NXPE4: variants seen among roughly 807,000 people sequenced by gnomAD.
The protein encoded by NXPE4 is NXPE family member 4.
A neutral mutation model predicts 33.3 loss-of-function variants in NXPE4; 42 were observed. That is an observed-to-expected ratio of 1.26 (90% CI 0.98 to 1.63). The LOEUF (loss-of-function observed/expected upper bound fraction) is 1.63, where lower values mean the gene tolerates loss of function less well. Ranked by LOEUF, NXPE4 falls within the 40% of genes most tolerant of loss-of-function variation. The pLI, the probability that NXPE4 is intolerant of heterozygous loss-of-function variation, is 0.00. For missense variants in NXPE4, 709 were observed against 647.6 expected (o/e 1.09, Z -1.03); for synonymous variants, 253 against 234.9 (o/e 1.08, Z -0.71).
the NXPE4 span, among the ~76,000 whole-genome samples, chr11:114,632,941 A>G: frequency 1.1e-4 from 11 of 98,360 alleles, no homozygotes; most frequent in Non-Finnish European, 1.6e-4. Context: ...AATAATATAT[A>G]TTATATGATA....
the NXPE4 span, among the ~76,000 whole-genome samples, chr11:114,613,759 A>G: frequency 7.2e-5 from 11 of 151,950 alleles, no homozygotes; most frequent in African/African-American, 2.7e-4. Context: ...CCCGGTGGAT[A>G]ATAAGTGTTG....
At chr11:114,673,528 CA>C in the NXPE4 span, among the ~76,000 whole-genome samples, 79 of 150,098 alleles carry the variant, frequency 5.3e-4, no homozygotes, top group African/African-American at 1.7e-3. Flanking sequence ...TCATTGAAAC[CA>C]AAAAAAAGTC....
chr11:114,664,965 T>A, the NXPE4 span, among the ~76,000 whole-genome samples: 1 of 152,168 alleles, frequency 6.6e-6, no homozygotes, highest in Non-Finnish European at 1.5e-5. Context: ...GTTTGGTAGG[T>A]TAGATGTATT....
At chr11:114,606,729 A>G in the NXPE4 span, among the ~76,000 whole-genome samples, 2 of 151,932 alleles carry the variant, frequency 1.3e-5, no homozygotes, top group African/African-American at 4.8e-5. Flanking sequence ...ATGGGTAACC[A>G]CTGCTACCTG....
chr11:114,599,603 T>C (rs1033530827), upstream of NXPE4, among the ~76,000 whole-genome samples: 1 of 152,118 alleles, frequency 6.6e-6, no homozygotes, highest in Non-Finnish European at 1.5e-5. Context: ...ACAGGGAGCA[T>C]GGTAGCTTCT....
the NXPE4 span, among the ~76,000 whole-genome samples, chr11:114,657,540 G>A: frequency 1.5e-4 from 23 of 151,938 alleles, no homozygotes; most frequent in African/African-American, 5.6e-4. Context: ...TGAAATTATA[G>A]CAATTAGGCC....
At chr11:114,654,800 T>C in the NXPE4 span, among the ~76,000 whole-genome samples, 111 of 152,348 alleles carry the variant, frequency 7.3e-4, no homozygotes, top group African/African-American at 2.6e-3. Flanking sequence ...TGTGTCTTTA[T>C]AGTAGAATGA....
chr11:114,612,433 G>A, the NXPE4 span, among the ~76,000 whole-genome samples: 3 of 151,642 alleles, frequency 2.0e-5, no homozygotes, highest in South Asian at 2.1e-4. Context: ...GTGTTGCCTC[G>A]TGGGTCACCA....
At chr11:114,586,212 T>G (rs1349286573) in intron 2 of NXPE4, among the ~76,000 whole-genome samples, 2 of 152,178 alleles carry the variant, frequency 1.3e-5, no homozygotes, top group African/African-American at 4.8e-5. Context: ...AGAAGAGAGC[T>G]TTTCTCTTTC....
the NXPE4 span, among the ~76,000 whole-genome samples, chr11:114,651,873 C>A: frequency 6.6e-6 from 1 of 152,144 alleles, no homozygotes; most frequent in Non-Finnish European, 1.5e-5. Context: ...GACCCAGAAG[C>A]CCAGCTGGCT....
At chr11:114,593,932 A>T (rs534021336) in intron 2 of NXPE4, among the ~76,000 whole-genome samples, 8 of 152,272 alleles carry the variant, frequency 5.3e-5, no homozygotes, top group African/African-American at 1.9e-4. Flanking sequence ...CAGAAGACAA[A>T]CTTTGCATGT....
the NXPE4 span, among the ~76,000 whole-genome samples, chr11:114,642,973 G>A: frequency 3.9e-5 from 6 of 152,136 alleles, no homozygotes; most frequent in South Asian, 4.1e-4. Context: ...GCATGAGATC[G>A]TGGTTTTGTG....
chr11:114,663,271 C>T, the NXPE4 span, among the ~76,000 whole-genome samples: 1 of 152,116 alleles, frequency 6.6e-6, no homozygotes, highest in South Asian at 2.1e-4. Context: ...CCAACTCAGC[C>T]GCAGTACAGT....
At chr11:114,624,086 C>G in the NXPE4 span, among the ~76,000 whole-genome samples, 1 of 151,304 alleles carries the variant, frequency 6.6e-6, no homozygotes. Context: ...CAGTGTTACC[C>G]TCTGGATAAT....
Position 114,582,413 on chromosome 11 carries a change from G to A in NXPE4, c.705C>T (p.Asn235=). 6.2e-7 allele frequency: 1 copy of A among 1,614,182 alleles called. No homozygotes were observed. ...TNAELCQYLD[N]RDQEGFYCVR... ...CACAGTAGAAGCCTTCTTGGTCTCT[G>A]TTGTCCAGGTACTGGCACAATTCAG... Residue 235 remains asparagine, a synonymous_variant, in exon 3 of 6, where the codon AAC becomes AAT. Coordinates refer to ENST00000375478, the MANE Select transcript of NXPE4 (RefSeq NM_001077639.2).
chr11:114,601,884 T>TAGTATATTATATTTATATATATTATATAA, the NXPE4 span, among the ~76,000 whole-genome samples: 1 of 15,796 alleles, frequency 6.3e-5, no homozygotes, highest in African/African-American at 5.9e-4. Context: ...TTATATATAA[T>TAGTATATTATATTTATATATATTATATAA]TATATATTAT....
chr11:114,614,499 G>A, the NXPE4 span, among the ~76,000 whole-genome samples: 181 of 151,246 alleles, frequency 1.2e-3, 2 homozygotes, highest in South Asian at 0.028. Flanking sequence ...ACAGTTACCC[G>A]GTGGATAATA....
At chr11:114,638,527 G>A in the NXPE4 span, among the ~76,000 whole-genome samples, 1 of 152,016 alleles carries the variant, frequency 6.6e-6, no homozygotes, top group Admixed American at 6.6e-5. Context: ...TTCCTTTCGA[G>A]GAGGAGAGGT....
the NXPE4 span, among the ~76,000 whole-genome samples, chr11:114,650,906 G>A: frequency 2.0e-5 from 3 of 152,142 alleles, no homozygotes; most frequent in East Asian, 3.9e-4. Flanking sequence ...CTGGTGGAGG[G>A]GCAGCCTGGT....
Sources: gnomAD v4.1 joint callset for allele counts (sites outside exome capture counted in the v4.1 genomes callset) on GRCh38, gnomAD v4.1.1 for gene constraint, MANE v1.5 for transcripts, NCBI Gene and HGNC (gene_info 2026-07-23, HGNC 2026-07-21) for gene names.